SLC35F2: variants seen among roughly 807,000 people sequenced by gnomAD.
SLC35F2 encodes solute carrier family 35 member F2.
SLC35F2 carries 25 observed loss-of-function variants against 38.1 expected under a neutral mutation model. The ratio of observed to expected loss-of-function variants is 0.66; its 90% CI spans 0.48 to 0.92. The LOEUF is 0.92. Among genes scored for constraint, SLC35F2 ranks in the 40% least tolerant of loss-of-function variants. The pLI is 0.00. For synonymous variants in SLC35F2, 173 were observed against 181.7 expected, an observed-to-expected ratio of 0.95 and a Z score of 0.38; for missense variants, 409 against 452.9, an observed-to-expected ratio of 0.90 and a Z score of 0.88.
rs200288652 is a variant in SLC35F2, at chr11:107,857,695, TG to T, written c.110+962del. Among the ~76,000 whole-genome samples the T allele has an allele frequency of 7.8e-3, 1,181 of 152,262 alleles. 12 individuals carry two copies. The highest frequency in any genetic ancestry group is 0.027 in the African/African-American group (1,128 of 41,570). On this transcript the variant is annotated intron_variant, in intron 1 of 7. Coordinates refer to ENST00000525815, the MANE Select transcript of SLC35F2 (RefSeq NM_017515.5). The stretch of plus-strand genomic sequence containing the variant: ...TAAAGGGAAATTCGCTTTGTTAATA[TG>T]AAAAAAAAATCAAATATCTGTTTCA...
At position 107,797,917 on chromosome 11, in the gene SLC35F2, T is replaced by A. The variant is rs565025911; in HGVS notation, c.939+5084A>T. On this transcript the variant is annotated intron_variant, in intron 7 of 7. Transcript: ENST00000525815. ...TTTAATAAATGTTTGTTGAAAAAAA[T>A]TGATTCAGAGAATATTAGGGGAAGT... 3.9e-5 allele frequency among the ~76,000 whole-genome samples: 6 copies of A among 152,316 alleles called. No individual in the cohort carries two copies. The South Asian group carries it at 1.2e-3, about 32-fold the overall frequency.
At chr11:107,831,979 A>T (rs1451399244) in intron 1 of SLC35F2, among the ~76,000 whole-genome samples, 2 of 152,186 alleles carry the variant, frequency 1.3e-5, no homozygotes, top group African/African-American at 4.8e-5. Context: ...AAATTACCCT[A>T]TACATTATAA....
rs564407817 is a variant in SLC35F2 at position 107,839,384 on chromosome 11, C to G, written c.110+19274G>C. The stretch of plus-strand genomic sequence containing the variant: ...GCTGAGGTGGGAGGATCACTTGAAC[C>G]CAGGAGGCAGAGGTTACAGTGAGCA... On this transcript the variant is annotated intron_variant, in intron 1 of 7. Transcript: ENST00000525815. Among the ~76,000 whole-genome samples the G allele has an allele frequency of 2.0e-4, 30 of 152,184 alleles. 1 individual carries two copies. Among genetic ancestry groups the G allele is most frequent in the African/African-American group, 6.7e-4 (28 of 41,532 alleles).
intron 7 of SLC35F2, among the ~76,000 whole-genome samples, chr11:107,800,296 T>G (rs1387795254): frequency 6.8e-6 from 1 of 147,162 alleles, no homozygotes; most frequent in Non-Finnish European, 1.5e-5. Flanking sequence ...TTCCTTCACA[T>G]GTAACCTTGC....
chr11:107,811,720 C>T lies in SLC35F2; in HGVS notation c.361G>A (p.Ala121Thr). Residue 121 changes from alanine to threonine, a missense_variant, in exon 3 of 8, where the codon GCT (alanine) becomes ACT (threonine). Physicochemically the swap from Ala to Thr is moderately conservative, Grantham distance 58. Transcript: ENST00000525815. ...YILLGLADVEANYVIVRAYQY... is the reference protein window; with the variant it reads ...YILLGLADVETNYVIVRAYQY... The stretch of plus-strand genomic sequence containing the variant: ...TAGGCTCTGACGATCACATAATTAG[C>T]TTCCACATCTGCTAGTCCCAGCAGG... The T allele has an allele frequency of 6.2e-7, 1 of 1,613,898 alleles. No individual in the cohort carries two copies. Among genetic ancestry groups the T allele is most frequent in the Non-Finnish European group, 8.5e-7 (1 of 1,179,792 alleles).
intron 4 of SLC35F2, chr11:107,805,775 C>G (rs34963336): frequency 0.055 from 28,434 of 514,520 alleles, 868 homozygotes; most frequent in East Asian, 0.15. Flanking sequence ...CCTCCGGGTT[C>G]AAGTGATTCT....
At chr11:107,856,644 C>CT (rs1368137857) in intron 1 of SLC35F2, among the ~76,000 whole-genome samples, 2 of 151,708 alleles carry the variant, frequency 1.3e-5, no homozygotes, top group African/African-American at 4.8e-5. Context: ...TTGCAGTTAG[C>CT]TGAGATAGAG....
At chr11:107,849,678 G>A (rs1345709903) in intron 1 of SLC35F2, among the ~76,000 whole-genome samples, 3 of 151,920 alleles carry the variant, frequency 2.0e-5, no homozygotes, top group Admixed American at 6.6e-5. Context: ...GGGATTGAAG[G>A]GGGAGGTGGA....
intron 1 of SLC35F2, among the ~76,000 whole-genome samples, chr11:107,826,584 A>C (rs1189158954): frequency 6.6e-6 from 1 of 152,200 alleles, no homozygotes; most frequent in Non-Finnish European, 1.5e-5. Flanking sequence ...GGAGGACAGC[A>C]GAGGGAGCAA....
At chr11:107,815,024 G>A (rs1284097106) in intron 2 of SLC35F2, among the ~76,000 whole-genome samples, 1 of 152,036 alleles carries the variant, frequency 6.6e-6, no homozygotes, top group East Asian at 1.9e-4. Flanking sequence ...GTTGCAGTGA[G>A]CCAAGATTGT....
Position 107,811,665 on chromosome 11 carries a change from A to G in SLC35F2, c.414+2T>C. On this transcript the variant is annotated splice_donor_variant, in intron 3 of 7. Coordinates refer to ENST00000525815, the MANE Select transcript of SLC35F2 (RefSeq NM_017515.5). LOFTEE classifies it high-confidence loss of function. ...CAAAGTGGTCAGAGGGCTCCCTCTT[A>G]CCTGGACACTGGTTAGAGTTGTGTA... 1 of 1,609,472 alleles carries G rather than the reference A, an allele frequency of 6.2e-7. No individual in the cohort carries two copies. The highest frequency in any genetic ancestry group is 8.5e-7 in the Non-Finnish European group (1 of 1,177,936).
chr11:107,856,826 ACCG>A (rs1860291140), intron 1 of SLC35F2, among the ~76,000 whole-genome samples: 1 of 136,450 alleles, frequency 7.3e-6, no homozygotes, highest in Admixed American at 7.6e-5. Context: ...AGAGAGGGAG[ACCG>A]GAGCACAGAG....
intron 1 of SLC35F2, among the ~76,000 whole-genome samples, chr11:107,830,219 A>G (rs1314852477): frequency 6.6e-6 from 1 of 152,220 alleles, no homozygotes; most frequent in Non-Finnish European, 1.5e-5. Context: ...TAATAATTTG[A>G]CAACTAAATC....
intron 7 of SLC35F2, among the ~76,000 whole-genome samples, chr11:107,796,338 G>A (rs1362185717): frequency 6.6e-6 from 1 of 152,144 alleles, no homozygotes; most frequent in African/African-American, 2.4e-5. Flanking sequence ...TCTGTTTATT[G>A]CAGCACTATT....
intron 1 of SLC35F2, chr11:107,824,006 G>T: frequency 1.0e-6 from 1 of 984,228 alleles, no homozygotes; most frequent in Non-Finnish European, 1.2e-6. Context: ...CAGCCAAGAT[G>T]AACTGTTTTC....
chr11:107,819,254 A>G (rs1157194043), intron 1 of SLC35F2, among the ~76,000 whole-genome samples: 2 of 152,194 alleles, frequency 1.3e-5, no homozygotes, highest in African/African-American at 4.8e-5. Flanking sequence ...TCGTTTTCCT[A>G]GATTGCTCTC....
intron 1 of SLC35F2, among the ~76,000 whole-genome samples, chr11:107,849,748 T>A (rs1317095237): frequency 6.6e-6 from 1 of 151,348 alleles, no homozygotes; most frequent in Non-Finnish European, 1.5e-5. Flanking sequence ...TTCCTTCAAG[T>A]CAACCAGAAG....
At chr11:107,838,386 G>C (rs998185009) in intron 1 of SLC35F2, among the ~76,000 whole-genome samples, 1 of 152,096 alleles carries the variant, frequency 6.6e-6, no homozygotes, top group Non-Finnish European at 1.5e-5. Flanking sequence ...GTACAACGGC[G>C]TACTCTCGGC....
At chr11:107,794,162 C>A (rs1408743458) in intron 7 of SLC35F2, among the ~76,000 whole-genome samples, 1 of 151,036 alleles carries the variant, frequency 6.6e-6, no homozygotes, top group African/African-American at 2.4e-5. Flanking sequence ...CTCACTGCAA[C>A]CTCTGCCTCC....
Sources: allele counts gnomAD v4.1 joint callset (sites outside exome capture counted in the v4.1 genomes callset), GRCh38; gene constraint gnomAD v4.1.1; transcripts MANE v1.5; gene names NCBI Gene and HGNC (gene_info 2026-07-23, HGNC 2026-07-21).